Variants in AGMO observed in about 807,000 individuals in gnomAD.
The protein encoded by AGMO is glyceryl-ether monooxygenase.
In AGMO, 75 loss-of-function variants were observed where a neutral mutation model predicts 60.2. The ratio of observed to expected loss-of-function variants is 1.25; its 90% CI spans 1.03 to 1.51. The LOEUF is 1.51. AGMO is among the 40% of genes most tolerant of loss of function. The pLI, the probability that AGMO is intolerant of heterozygous loss-of-function variation, is 0.00. For synonymous variants in AGMO, 261 were observed against 177.1 expected (o/e 1.47, Z -3.76); for missense variants, 763 against 525.5 (o/e 1.45, Z -4.42).
the AGMO span, among the ~76,000 whole-genome samples, chr7:15,161,324 G>A: frequency 6.6e-6 from 1 of 152,030 alleles, no homozygotes. Flanking sequence ...CCCCAAGAAA[G>A]AGCAAATTCT....
At chr7:15,350,122 T>C (rs1340478526) in intron 12 of AGMO, among the ~76,000 whole-genome samples, 2 of 152,154 alleles carry the variant, frequency 1.3e-5, no homozygotes, top group African/African-American at 2.4e-5. Context: ...AATAACTGTG[T>C]TTCTGGAACC....
intron 12 of AGMO, among the ~76,000 whole-genome samples, chr7:15,246,835 T>A (rs998811037): frequency 6.6e-6 from 1 of 152,154 alleles, no homozygotes; most frequent in African/African-American, 2.4e-5. Context: ...CTAAAAAGCA[T>A]ATTCTATAGT....
intron 3 of AGMO, among the ~76,000 whole-genome samples, chr7:15,472,968 G>A (rs1227090964): frequency 6.6e-6 from 1 of 151,796 alleles, no homozygotes; most frequent in Admixed American, 6.6e-5. Flanking sequence ...CTTCATGATT[G>A]TTGTATGTTT....
intron 6 of AGMO, 37 bp from the exon 7 acceptor site, chr7:15,390,942 A>G: frequency 1.5e-6 from 2 of 1,329,452 alleles, no homozygotes; most frequent in Non-Finnish European, 2.1e-6. Flanking sequence ...TTTTCAGAAA[A>G]ATAGTTATGC....
chr7:15,373,860 A>G (rs901388324), intron 10 of AGMO, among the ~76,000 whole-genome samples: 132 of 152,306 alleles, frequency 8.7e-4, no homozygotes, highest in African/African-American at 2.7e-3. Flanking sequence ...AAGGTCTACA[A>G]AAGTTATTAT....
intron 12 of AGMO, among the ~76,000 whole-genome samples, chr7:15,257,205 TA>T (rs1783124097): frequency 6.6e-6 from 1 of 152,136 alleles, no homozygotes; most frequent in African/African-American, 2.4e-5. Context: ...ATTATTTACA[TA>T]AACCATATAA....
intron 12 of AGMO, among the ~76,000 whole-genome samples, chr7:15,335,711 A>G (rs528253415): frequency 1.3e-5 from 2 of 152,326 alleles, no homozygotes; most frequent in African/African-American, 4.8e-5. Context: ...AAGATTTATT[A>G]TAGCATGTGT....
intron 3 of AGMO, among the ~76,000 whole-genome samples, chr7:15,447,512 T>C (rs888728465): frequency 5.3e-5 from 8 of 152,172 alleles, no homozygotes; most frequent in African/African-American, 1.9e-4. Flanking sequence ...TGTGTGACCA[T>C]GGCAGAGTCA....
chr7:15,354,520 A>ACG (rs1180936520), intron 12 of AGMO, among the ~76,000 whole-genome samples: 10 of 94,676 alleles, frequency 1.1e-4, no homozygotes, highest in Non-Finnish European at 1.0e-4. Context: ...ATATATATAT[A>ACG]TATATATATA....
intron 12 of AGMO, among the ~76,000 whole-genome samples, chr7:15,205,313 A>G (rs1382253516): frequency 1.3e-5 from 2 of 152,216 alleles, no homozygotes; most frequent in Non-Finnish European, 2.9e-5. Context: ...AAGACTTTTC[A>G]AATAATTCAG....
intron 12 of AGMO, among the ~76,000 whole-genome samples, chr7:15,233,832 A>C (rs1390385750): frequency 2.6e-5 from 4 of 152,196 alleles, no homozygotes; most frequent in African/African-American, 7.2e-5. Flanking sequence ...CGCGTGGATC[A>C]CGAGGTCAGT....
intron 12 of AGMO, among the ~76,000 whole-genome samples, chr7:15,205,785 T>G (rs1164628596): frequency 6.6e-6 from 1 of 152,158 alleles, no homozygotes; most frequent in Non-Finnish European, 1.5e-5. Flanking sequence ...TTTTAAGAAT[T>G]AGAATATTAG....
rs1583694988 is a variant in AGMO, at chr7:15,561,974, C to G, written c.-129G>C. 3 of 929,196 alleles carry G rather than the reference C, an allele frequency of 3.2e-6. No homozygotes were observed. The highest frequency in any genetic ancestry group is 2.7e-5 in the East Asian group (1 of 37,698). 57.6% of individuals were successfully genotyped at this position (929,196 alleles called of 1,614,324 possible). On this transcript the variant is annotated 5_prime_UTR_variant, in exon 1 of 13. Coordinates refer to ENST00000342526, the MANE Select transcript of AGMO (RefSeq NM_001004320.2). ...TGTCAGAGAACAGCTAAAACCAAAG[C>G]TCCACTGAGAGCACACTCAACAGCC...
chr7:15,330,567 T>G (rs1218809625), intron 12 of AGMO, among the ~76,000 whole-genome samples: 1 of 152,136 alleles, frequency 6.6e-6, no homozygotes. Flanking sequence ...CTCCCTTTAC[T>G]TCAAATTCTG....
At chr7:15,214,154 T>C (rs1211777193) in intron 12 of AGMO, among the ~76,000 whole-genome samples, 1 of 151,956 alleles carries the variant, frequency 6.6e-6, no homozygotes, top group Non-Finnish European at 1.5e-5. Context: ...AATAATTATG[T>C]TATGAAAAAT....
intron 12 of AGMO, among the ~76,000 whole-genome samples, chr7:15,354,488 ACACACG>A (rs1320588014): frequency 4.1e-4 from 7 of 17,186 alleles, no homozygotes; most frequent in Non-Finnish European, 6.9e-4. Context: ...GTGTGTATAT[ACACACG>A]TGTATATATA....
At chr7:15,538,373 T>C (rs578172831) in intron 3 of AGMO, among the ~76,000 whole-genome samples, 3 of 152,200 alleles carry the variant, frequency 2.0e-5, no homozygotes, top group South Asian at 4.1e-4. Flanking sequence ...GCTAGAATTG[T>C]AGGCACGTGC....
chr7:15,223,897 C>A (rs1384534148), intron 12 of AGMO, among the ~76,000 whole-genome samples: 2 of 151,976 alleles, frequency 1.3e-5, no homozygotes, highest in Non-Finnish European at 2.9e-5. Flanking sequence ...CAAATGTTTT[C>A]ATCAACAGCT....
chr7:15,413,690 A>G (rs1780677657), intron 5 of AGMO, among the ~76,000 whole-genome samples: 1 of 152,180 alleles, frequency 6.6e-6, no homozygotes, highest in South Asian at 2.1e-4. Context: ...AAAATGCAAC[A>G]AAGGAATATC....
Sources: gnomAD v4.1 joint callset for allele counts (sites outside exome capture counted in the v4.1 genomes callset) on GRCh38, gnomAD v4.1.1 for gene constraint, MANE v1.5 for transcripts, NCBI Gene and HGNC (gene_info 2026-07-23, HGNC 2026-07-21) for gene names.